COL24A1: variants seen among roughly 807,000 people sequenced by gnomAD.
COL24A1 encodes the protein collagen alpha-1(XXIV) chain.
Under a neutral mutation model 253.9 loss-of-function variants are expected in COL24A1, and 224 were observed. The ratio of observed to expected loss-of-function variants is 0.88; its 90% CI spans 0.79 to 0.99. The LOEUF (loss-of-function observed/expected upper bound fraction) is 0.99, where lower values mean the gene tolerates loss of function less well. Ranked by LOEUF, COL24A1 falls within the 50% of genes least tolerant of loss-of-function variation. The pLI, the probability that COL24A1 is intolerant of heterozygous loss-of-function variation, is 0.00. For missense variants in COL24A1, 2,131 were observed against 2,068.5 expected (o/e 1.03, Z -0.59); for synonymous variants, 685 against 673.7 (o/e 1.02, Z -0.26).
At chr1:86,097,209 T>G (rs973949830) in intron 5 of COL24A1, among the ~76,000 whole-genome samples, 1 of 152,166 alleles carries the variant, frequency 6.6e-6, no homozygotes, top group East Asian at 1.9e-4. Context: ...CCTTTTAGAG[T>G]GAAACTCCTA....
chr1:86,131,821 T>C (rs9660356), intron 2 of COL24A1, among the ~76,000 whole-genome samples: 3 of 151,910 alleles, frequency 2.0e-5, no homozygotes, highest in Non-Finnish European at 4.4e-5. Context: ...GCAATAAACA[T>C]ATGTGTGCAT....
chr1:86,044,198 G>T (rs904061252), intron 12 of COL24A1, among the ~76,000 whole-genome samples: 2 of 152,056 alleles, frequency 1.3e-5, no homozygotes, highest in Non-Finnish European at 2.9e-5. Context: ...CATCTAAATT[G>T]AAGTACAAGA....
chr1:86,020,614 C>G (rs1043301942), intron 18 of COL24A1, among the ~76,000 whole-genome samples: 3 of 151,838 alleles, frequency 2.0e-5, no homozygotes, highest in African/African-American at 7.3e-5. Flanking sequence ...TTGTAAAGCA[C>G]AAAAAAATAC....
intron 2 of COL24A1, among the ~76,000 whole-genome samples, chr1:86,128,488 T>C (rs1303524788): frequency 6.6e-6 from 1 of 151,976 alleles, no homozygotes; most frequent in East Asian, 1.9e-4. Context: ...AAGCTACATA[T>C]GTAAAAAATA....
chr1:86,028,415 A>G (rs989496422), intron 14 of COL24A1, among the ~76,000 whole-genome samples: 6 of 152,156 alleles, frequency 3.9e-5, no homozygotes, highest in Non-Finnish European at 7.4e-5. Context: ...TGGCTGCCCC[A>G]TGCTGTTCCC....
Position 85,896,006 on chromosome 1 carries a change from T to C in COL24A1, c.2877+15A>G, listed in dbSNP as rs755905738. 1.3e-5 allele frequency: 21 copies of C among 1,604,968 alleles called. No homozygotes were observed. The South Asian group carries it at 1.9e-4, about 15-fold the overall frequency. On this transcript the variant is annotated intron_variant, in intron 30 of 59. Coordinates refer to ENST00000370571, the MANE Select transcript of COL24A1 (RefSeq NM_152890.7). ...TAAAATGTTCATCTTTAATGTGAAA[T>C]GTTTTATTACTTACAATAAGACCAT...
chr1:85,936,859 T>C (rs1194254203), intron 24 of COL24A1, among the ~76,000 whole-genome samples: 1 of 147,590 alleles, frequency 6.8e-6, no homozygotes, highest in Non-Finnish European at 1.5e-5. Context: ...GAAAAATGAA[T>C]TCCAGCATAC....
intron 38 of COL24A1, 48 bp downstream of exon 38, chr1:85,849,305 G>C: frequency 1.4e-6 from 2 of 1,448,974 alleles, no homozygotes; most frequent in Non-Finnish European, 1.9e-6. Context: ...TGGAGTTCTG[G>C]GCACATCAGA....
At chr1:86,092,211 A>G (rs1557586602) in intron 6 of COL24A1, 56 bp downstream of exon 6, 3 of 1,361,214 alleles carry the variant, frequency 2.2e-6, no homozygotes, top group Non-Finnish European at 3.1e-6. Flanking sequence ...TGCTTAAATT[A>G]TTTTAAAATG....
intron 14 of COL24A1, among the ~76,000 whole-genome samples, chr1:86,028,999 C>A (rs1054704861): frequency 6.6e-6 from 1 of 152,108 alleles, no homozygotes; most frequent in African/African-American, 2.4e-5. Flanking sequence ...TTGACAGTAA[C>A]AACAGAAGCT....
intron 19 of COL24A1, among the ~76,000 whole-genome samples, chr1:86,004,765 A>G (rs1695773578): frequency 6.6e-6 from 1 of 152,134 alleles, no homozygotes; most frequent in Non-Finnish European, 1.5e-5. Context: ...TTGACAGAAG[A>G]CACAACAAAG....
intron 3 of COL24A1, among the ~76,000 whole-genome samples, chr1:86,122,111 G>A (rs1461512760): frequency 4.6e-5 from 7 of 151,906 alleles, no homozygotes; most frequent in Non-Finnish European, 7.4e-5. Flanking sequence ...TCTACACTGC[G>A]CTGAAGTTAG....
chr1:86,007,867 T>G (rs1346666671), intron 19 of COL24A1, among the ~76,000 whole-genome samples: 4 of 152,186 alleles, frequency 2.6e-5, no homozygotes, highest in Non-Finnish European at 5.9e-5. Context: ...AAAAATACTC[T>G]GTATAATAAT....
intron 43 of COL24A1, among the ~76,000 whole-genome samples, chr1:85,837,025 G>A (rs4912446): frequency 0.37 from 55,568 of 151,994 alleles, 10,899 homozygotes; most frequent in Non-Finnish European, 0.43. Context: ...AGATATTGCA[G>A]GAATCTGGTT....
At chr1:85,870,897 AT>A (rs1220566618) in intron 35 of COL24A1, among the ~76,000 whole-genome samples, 1 of 152,200 alleles carries the variant, frequency 6.6e-6, no homozygotes, top group Non-Finnish European at 1.5e-5. Context: ...CAAAAAATCA[AT>A]GAATCCAAGA....
chr1:85,883,602 C>A (rs974105317), intron 32 of COL24A1: 1 of 152,080 alleles, frequency 6.6e-6, no homozygotes, highest in African/African-American at 2.4e-5. Flanking sequence ...ACTTTTAAAA[C>A]TTTTTAAAGT....
At chr1:85,922,641 G>C (rs2103019684) in intron 24 of COL24A1, among the ~76,000 whole-genome samples, 1 of 152,274 alleles carries the variant, frequency 6.6e-6, no homozygotes, top group African/African-American at 2.4e-5. Flanking sequence ...TCACCACCAG[G>C]CCTGTCTTAC....
intron 24 of COL24A1, among the ~76,000 whole-genome samples, chr1:85,914,098 T>C (rs949970265): frequency 6.6e-6 from 1 of 152,112 alleles, no homozygotes; most frequent in Admixed American, 6.6e-5. Context: ...AATTTCAACA[T>C]ATGAATTTTG....
At chr1:86,021,489 A>G (rs1571629259) in intron 18 of COL24A1, among the ~76,000 whole-genome samples, 1 of 152,214 alleles carries the variant, frequency 6.6e-6, no homozygotes, top group Admixed American at 6.5e-5. Flanking sequence ...GTGACCTTAG[A>G]TGTTTTCTAA....
Sources: gnomAD v4.1 joint callset for allele counts (sites outside exome capture counted in the v4.1 genomes callset) on GRCh38, gnomAD v4.1.1 for gene constraint, MANE v1.5 for transcripts, NCBI Gene and HGNC (gene_info 2026-07-23, HGNC 2026-07-21) for gene names.